Variants in EFCAB6 observed in about 807,000 individuals in gnomAD.
EFCAB6 encodes EF-hand calcium binding domain 6, also known as EF-hand calcium-binding domain-containing protein 6.
EFCAB6 carries 156 observed loss-of-function variants against 169.8 expected under a neutral mutation model. The observed-to-expected ratio is 0.92, with a 90% confidence interval of 0.81 to 1.05. The LOEUF (loss-of-function observed/expected upper bound fraction) is 1.05. Ranked by LOEUF, EFCAB6 falls within the 50% of genes least tolerant of loss-of-function variation. The probability of loss-of-function intolerance (pLI) is 0.00; values close to 1 mark genes in which losing one functional copy is unlikely to be tolerated. For synonymous variants in EFCAB6, 698 were observed against 676.4 expected, an observed-to-expected ratio of 1.03 and a Z score of -0.50; for missense variants, 1,800 against 1,829.1, an observed-to-expected ratio of 0.98 and a Z score of 0.29.
At position 43,772,906 on chromosome 22, in the gene EFCAB6, C is replaced by T; in HGVS notation, c.337G>A (p.Asp113Asn). 2 of 1,614,190 alleles carry T rather than the reference C, an allele frequency of 1.2e-6. No individual in the cohort carries two copies. Among genetic ancestry groups the T allele is most frequent in the Non-Finnish European group, 8.5e-7 (1 of 1,180,030 alleles). ...LMPLTREQFQ[D>N]VLAQIPLSTS... ...ACATACAGCACCTGAGCCAACACGT[C>T]CTGAAACTGTTCTCGTGTGAGCGGC... The change falls in exon 4 of 32, where the codon GAC becomes AAC. Residue 113 changes from aspartate (D) to asparagine (N), a missense_variant. By Grantham distance (23) the Asp-to-Asn change is conservative (BLOSUM62 1). Transcript: ENST00000262726.
intron 3 of EFCAB6, among the ~76,000 whole-genome samples, chr22:43,774,061 T>C (rs2061561521): frequency 6.6e-6 from 1 of 152,066 alleles, no homozygotes; most frequent in South Asian, 2.1e-4. Flanking sequence ...AAATCCTAGA[T>C]GTATGTTAAA....
At chr22:43,775,368 G>C (rs2147994384) in intron 3 of EFCAB6, among the ~76,000 whole-genome samples, 1 of 152,274 alleles carries the variant, frequency 6.6e-6, no homozygotes, top group Admixed American at 6.5e-5. Context: ...TGGCAGAATG[G>C]ACATCTATCA....
chr22:43,740,984 G>A (rs943071574), intron 6 of EFCAB6, among the ~76,000 whole-genome samples: 2 of 152,194 alleles, frequency 1.3e-5, no homozygotes, highest in Non-Finnish European at 2.9e-5. Context: ...CCACCAGAGC[G>A]ACGTCTCCAA....
intron 23 of EFCAB6, among the ~76,000 whole-genome samples, chr22:43,593,942 T>C (rs1016067353): frequency 1.3e-5 from 2 of 152,156 alleles, no homozygotes; most frequent in African/African-American, 4.8e-5. Context: ...AGTCACATCA[T>C]ATGCAGCCCA....
chr22:43,708,722 G>T (rs773455196), intron 10 of EFCAB6, among the ~76,000 whole-genome samples: 3 of 152,062 alleles, frequency 2.0e-5, no homozygotes, highest in Non-Finnish European at 4.4e-5. Context: ...GACCACAAAA[G>T]GCATTCATAG....
intron 6 of EFCAB6, among the ~76,000 whole-genome samples, chr22:43,750,825 C>T (rs8140360): frequency 1.3e-5 from 2 of 152,336 alleles, no homozygotes; most frequent in African/African-American, 4.8e-5. Flanking sequence ...AATCTACCCA[C>T]CACTTTTGTC....
At chr22:43,645,512 T>C (rs936274190) in intron 17 of EFCAB6, among the ~76,000 whole-genome samples, 6 of 152,238 alleles carry the variant, frequency 3.9e-5, no homozygotes, top group African/African-American at 1.2e-4. Flanking sequence ...GAAAATGTTA[T>C]GCCCTATGTA....
At chr22:43,718,187 T>C (rs1437083340) in intron 8 of EFCAB6, among the ~76,000 whole-genome samples, 3 of 152,206 alleles carry the variant, frequency 2.0e-5, no homozygotes, top group African/African-American at 7.2e-5. Context: ...TTAGTGTTTT[T>C]GTGTTTTCTG....
At chr22:43,636,184 G>A (rs529106259) in intron 17 of EFCAB6, among the ~76,000 whole-genome samples, 14 of 152,190 alleles carry the variant, frequency 9.2e-5, no homozygotes, top group Non-Finnish European at 1.3e-4. Context: ...TGGGTTTGCC[G>A]ATGGGTTGTG....
At chr22:43,743,233 G>C (rs1473330204) in intron 6 of EFCAB6, among the ~76,000 whole-genome samples, 1 of 152,222 alleles carries the variant, frequency 6.6e-6, no homozygotes, top group African/African-American at 2.4e-5. Flanking sequence ...TAAGATGAAA[G>C]CCGGAGAGTG....
At chr22:43,634,316 GGA>G (rs2055212932) in intron 18 of EFCAB6, among the ~76,000 whole-genome samples, 1 of 152,128 alleles carries the variant, frequency 6.6e-6, no homozygotes, top group Non-Finnish European at 1.5e-5. Flanking sequence ...CCATTTTTCA[GGA>G]GTGTGGGACC....
chr22:43,540,484 G>T (rs1465242879), intron 27 of EFCAB6, 127 bp from the exon 28 acceptor site: 24 of 1,526,654 alleles, frequency 1.6e-5, no homozygotes, highest in East Asian at 2.5e-5. Context: ...TGGTGAAGAA[G>T]AAAATTAAAA....
Position 43,642,799 on chromosome 22 carries a change from C to T in EFCAB6, c.1984-7583G>A, listed in dbSNP as rs73172090. 4.4e-3 allele frequency among the ~76,000 whole-genome samples: 666 copies of T among 152,284 alleles called. 3 individuals carry two copies. Among genetic ancestry groups the T allele is most frequent in the Non-Finnish European group, 7.9e-3 (536 of 68,038 alleles). ...ACAATCAAGACGCCATGGTCATGTG[C>T]ACAGGCCGCAGGATATTGGGCTCAG... On this transcript the variant is annotated intron_variant, in intron 17 of 31. Coordinates refer to ENST00000262726, the MANE Select transcript of EFCAB6 (RefSeq NM_022785.4).
In EFCAB6 at chr22:43,572,902, A is replaced by G. The variant is rs2049981970; in HGVS notation, c.3420+3395T>C. Among the ~76,000 whole-genome samples, 1 of 152,252 alleles carries G rather than the reference A, an allele frequency of 6.6e-6. No homozygotes were observed. Among genetic ancestry groups the G allele is most frequent in the Admixed American group, 6.5e-5 (1 of 15,288 alleles). On this transcript the variant is annotated intron_variant, in intron 26 of 31. Transcript: ENST00000262726. This position sits in a 1 kb window ranked among gnomAD's most constrained non-coding sequence, Gnocchi z 4.0. ...TGGGCCATAGGAAACACGTGTCATG[A>G]GAGAGTGAATGAACCCACACGATGG...
intron 26 of EFCAB6, among the ~76,000 whole-genome samples, chr22:43,575,358 G>GTTTTTTTTTTTT (rs34543550): frequency 9.5e-6 from 1 of 104,838 alleles, no homozygotes; most frequent in African/African-American, 3.9e-5. Flanking sequence ...ATCCGGCTAT[G>GTTTTTTTTTTTT]TTTTTTTTTT....
At chr22:43,764,552 T>C (rs1187944338) in intron 5 of EFCAB6, among the ~76,000 whole-genome samples, 1 of 152,198 alleles carries the variant, frequency 6.6e-6, no homozygotes, top group Non-Finnish European at 1.5e-5. Flanking sequence ...TTTGGGTATA[T>C]ACCTAGTAAT....
chr22:43,545,974 C>A (rs2048032427), intron 27 of EFCAB6, among the ~76,000 whole-genome samples: 1 of 152,076 alleles, frequency 6.6e-6, no homozygotes, highest in Non-Finnish European at 1.5e-5. Flanking sequence ...TCACCATAAA[C>A]ATGAGTTGGC....
At chr22:43,741,489 C>T (rs1274939398) in intron 6 of EFCAB6, among the ~76,000 whole-genome samples, 1 of 152,218 alleles carries the variant, frequency 6.6e-6, no homozygotes, top group Non-Finnish European at 1.5e-5. Context: ...CCTTCATACT[C>T]TGCTGACCAC....
intron 12 of EFCAB6, 72 bp from the exon 13 acceptor site, chr22:43,678,235 T>G: frequency 6.9e-7 from 1 of 1,452,750 alleles, no homozygotes. Context: ...TTATGTATGT[T>G]TAGCATCATT....
Sources: gnomAD v4.1 joint callset for allele counts (sites outside exome capture counted in the v4.1 genomes callset) on GRCh38, gnomAD v4.1.1 for gene constraint, Gnocchi (gnomAD v3.1) non-coding constraint, MANE v1.5 for transcripts, NCBI Gene and HGNC (gene_info 2026-07-23, HGNC 2026-07-21) for gene names.